Variants in ZNF516 observed in about 807,000 individuals in gnomAD.
ZNF516 encodes zinc finger protein 516.
Under a neutral mutation model 79.7 loss-of-function variants are expected in ZNF516, and 19 were observed. The ratio of observed to expected loss-of-function variants is 0.24; its 90% CI spans 0.17 to 0.35. The LOEUF (loss-of-function observed/expected upper bound fraction) is 0.35, where lower values mean the gene tolerates loss of function less well. Ranked by LOEUF, ZNF516 falls within the 10% of genes least tolerant of loss-of-function variation. The probability of loss-of-function intolerance (pLI) is 1.00; values close to 1 mark genes in which losing one functional copy is unlikely to be tolerated. For synonymous variants in ZNF516, 877 were observed against 739.5 expected, an observed-to-expected ratio of 1.19 and a Z score of -3.02; for missense variants, 1,678 against 1,679.5, an observed-to-expected ratio of 1.00 and a Z score of 0.02.
intron 6 of ZNF516, among the ~76,000 whole-genome samples, chr18:76,369,513 G>A (rs899605955): frequency 6.6e-6 from 1 of 152,174 alleles, no homozygotes; most frequent in Non-Finnish European, 1.5e-5. Flanking sequence ...GGTCCTTGGT[G>A]AAGCCATTTC....
At chr18:76,474,873 T>C (rs1488575180) in intron 1 of ZNF516, among the ~76,000 whole-genome samples, 2 of 152,316 alleles carry the variant, frequency 1.3e-5, no homozygotes, top group African/African-American at 4.8e-5. Flanking sequence ...ATACACTTGT[T>C]AATATGGATG....
rs760804392 is a variant in ZNF516, at chr18:76,379,469, G to C, written c.2645C>G (p.Pro882Arg). ...GGPCALWAPGPDGYRQTKPCH... is the reference protein window; with the variant it reads ...GGPCALWAPGRDGYRQTKPCH... ...AGGTTTGGTCTGTCGATACCCGTCA[G>C]GGCCGGGCGCCCACAGAGCGCAGGG... The change falls in exon 4 of 7, where the codon CCT becomes CGT. Residue 882 changes from proline (P) to arginine (R), a missense_variant. Coordinates refer to ENST00000443185, the MANE Select transcript of ZNF516 (RefSeq NM_014643.4). 2 of 1,613,658 alleles carry C rather than the reference G, an allele frequency of 1.2e-6. No individual in the cohort carries two copies. Among genetic ancestry groups the C allele is most frequent in the East Asian group, 4.5e-5 (2 of 44,862 alleles).
chr18:76,491,119 C>T (rs1288322315), intron 1 of ZNF516: 5 of 980,946 alleles, frequency 5.1e-6, no homozygotes, highest in African/African-American at 1.7e-5. Context: ...GCCCCACCTC[C>T]GCCAGAACAA....
chr18:76,489,050 T>C (rs1410206890), intron 1 of ZNF516, among the ~76,000 whole-genome samples: 1 of 152,256 alleles, frequency 6.6e-6, no homozygotes, highest in Non-Finnish European at 1.5e-5. Flanking sequence ...TGAGCTTATA[T>C]TTCAGTCTCT....
upstream of ZNF516, chr18:76,495,649 C>T (rs375564747): frequency 9.7e-7 from 1 of 1,025,862 alleles, no homozygotes; most frequent in East Asian, 9.6e-5. Flanking sequence ...GCTGCAGCCC[C>T]GGCTCCCGGA....
chr18:76,490,670 T>C (rs1201911911), intron 1 of ZNF516: 18 of 692,394 alleles, frequency 2.6e-5, no homozygotes, highest in Non-Finnish European at 3.0e-5. Context: ...ATCACTCAGC[T>C]TTTAAATTAC....
intron 4 of ZNF516, among the ~76,000 whole-genome samples, chr18:76,374,813 G>T (rs578013593): frequency 1.3e-5 from 2 of 152,234 alleles, no homozygotes; most frequent in African/African-American, 4.8e-5. Flanking sequence ...AGCTGCAGAC[G>T]ACACCCACCT....
intron 2 of ZNF516, among the ~76,000 whole-genome samples, chr18:76,445,765 GATTC>G (rs1912006354): frequency 1.3e-5 from 2 of 152,240 alleles, no homozygotes; most frequent in African/African-American, 4.8e-5. Flanking sequence ...CCAGAGACAG[GATTC>G]ACCCAGGAGG....
In ZNF516 at chr18:76,415,631, C is replaced by T. The variant is rs189091508; in HGVS notation, c.1810+25614G>A. Reference sequence around the variant, plus strand: ...GAGTCGGGGTTCTCGGGGAAACAGCCGTGGAAAGAGCCTGTTTTGCTGTTT... The same window carrying T: ...GAGTCGGGGTTCTCGGGGAAACAGCTGTGGAAAGAGCCTGTTTTGCTGTTT... On this transcript the variant is annotated intron_variant, in intron 3 of 6. Transcript: ENST00000443185. Among the ~76,000 whole-genome samples, 26 of 152,152 alleles carry T rather than the reference C, an allele frequency of 1.7e-4. No individual in the cohort carries two copies. In the East Asian group the frequency reaches 4.3e-3, roughly 25 times the overall value.
intron 1 of ZNF516, among the ~76,000 whole-genome samples, chr18:76,466,567 G>A (rs774267391): frequency 7.2e-5 from 11 of 152,252 alleles, no homozygotes; most frequent in Non-Finnish European, 1.5e-4. Context: ...AGTGCTCTAT[G>A]CAGGTGCCGG....
rs1367463187 is a variant in ZNF516 at position 76,357,733 on chromosome 18, C to T, written c.*4765G>A. Among the ~76,000 whole-genome samples the T allele has an allele frequency of 6.6e-6, 1 of 152,146 alleles. No homozygotes were observed. Among genetic ancestry groups the T allele is most frequent in the Non-Finnish European group, 1.5e-5 (1 of 68,014 alleles). Reference sequence around the variant, plus strand: ...ATCTGATGGTCCTGTCTCATTTTTGCTGTCTCATCAGTAAACCATTGCAAA... The same window carrying T: ...ATCTGATGGTCCTGTCTCATTTTTGTTGTCTCATCAGTAAACCATTGCAAA... On this transcript the variant is annotated 3_prime_UTR_variant, in exon 7 of 7. Transcript: ENST00000443185.
intron 3 of ZNF516, among the ~76,000 whole-genome samples, chr18:76,421,482 C>T (rs527454006): frequency 2.8e-4 from 42 of 152,308 alleles, no homozygotes; most frequent in South Asian, 1.4e-3. Flanking sequence ...AAAGCAGAGC[C>T]CGGGCTGAGC....
In ZNF516 at chr18:76,368,551, G is replaced by A. The variant is rs993334123; in HGVS notation, c.3432+1977C>T. ...ACCCACCGAGATCTTCACACCAACAGTTAATACACAGGCTAAGTCTGAAAG... is the reference window on the plus strand; with the variant it reads ...ACCCACCGAGATCTTCACACCAACAATTAATACACAGGCTAAGTCTGAAAG... On this transcript the variant is annotated intron_variant, in intron 6 of 6. Coordinates refer to ENST00000443185, the MANE Select transcript of ZNF516 (RefSeq NM_014643.4). Among the ~76,000 whole-genome samples the A allele has an allele frequency of 6.6e-5, 10 of 152,026 alleles. No individual in the cohort carries two copies. In the East Asian group the frequency reaches 1.4e-3, roughly 21 times the overall value.
At chr18:76,490,771 T>C (rs559463951) in intron 1 of ZNF516, 13 of 985,458 alleles carry the variant, frequency 1.3e-5, no homozygotes, top group African/African-American at 1.7e-5. Context: ...AAAGTTCCTT[T>C]TGTGACTTGC....
chr18:76,477,772 A>G (rs1468896678), intron 1 of ZNF516, among the ~76,000 whole-genome samples: 2 of 152,082 alleles, frequency 1.3e-5, no homozygotes, highest in Non-Finnish European at 2.9e-5. Flanking sequence ...AACACAAAAA[A>G]ACCTGCTGAA....
chr18:76,470,965 A>G (rs550396676), intron 1 of ZNF516, among the ~76,000 whole-genome samples: 2 of 152,328 alleles, frequency 1.3e-5, no homozygotes, highest in Non-Finnish European at 2.9e-5. Context: ...TGATTTTTTA[A>G]ATTTCTTTTC....
At chr18:76,448,138 A>C (rs537230408) in intron 2 of ZNF516, among the ~76,000 whole-genome samples, 2 of 152,328 alleles carry the variant, frequency 1.3e-5, no homozygotes, top group African/African-American at 4.8e-5. Flanking sequence ...ATAAAGTAGA[A>C]AATATGTAGC....
At chr18:76,368,075 T>C (rs775515374) in intron 6 of ZNF516, among the ~76,000 whole-genome samples, 22 of 152,178 alleles carry the variant, frequency 1.4e-4, no homozygotes, top group Middle Eastern at 3.2e-3. Flanking sequence ...AAAAAGAACA[T>C]GGCTGGTAAG....
intron 3 of ZNF516, among the ~76,000 whole-genome samples, chr18:76,380,928 T>C (rs1029872069): frequency 1.3e-5 from 2 of 152,052 alleles, no homozygotes; most frequent in Non-Finnish European, 2.9e-5. Flanking sequence ...TGCCCCAAGG[T>C]CCCCCAGAGG....
Sources: gnomAD v4.1 joint callset for allele counts (sites outside exome capture counted in the v4.1 genomes callset) on GRCh38, gnomAD v4.1.1 for gene constraint, MANE v1.5 for transcripts, NCBI Gene and HGNC (gene_info 2026-07-23, HGNC 2026-07-21) for gene names.